OSBPL10: variants seen among roughly 807,000 people sequenced by gnomAD.
OSBPL10 encodes oxysterol binding protein like 10.
In OSBPL10, 49 loss-of-function variants were observed where a neutral mutation model predicts 81.7. The ratio of observed to expected loss-of-function variants is 0.60; its 90% confidence interval spans 0.48 to 0.76. The LOEUF is 0.76. Ranked by LOEUF, OSBPL10 falls within the 30% of genes least tolerant of loss-of-function variation. The pLI, the probability that OSBPL10 is intolerant of heterozygous loss-of-function variation, is 0.00. For missense variants in OSBPL10, 923 were observed against 987.8 expected (o/e 0.93, Z 0.88); for synonymous variants, 419 against 383.6 (o/e 1.09, Z -1.08).
At chr3:31,918,135 TCATTC>T (rs769215106) in intron 1 of OSBPL10, among the ~76,000 whole-genome samples, 3 of 152,180 alleles carry the variant, frequency 2.0e-5, no homozygotes, top group Non-Finnish European at 4.4e-5. Flanking sequence ...ACTATAAATA[TCATTC>T]CAAACAAAAG....
chr3:31,910,153 GTAT>G (rs1363478399), intron 1 of OSBPL10, among the ~76,000 whole-genome samples: 2 of 151,826 alleles, frequency 1.3e-5, no homozygotes, highest in African/African-American at 4.8e-5. Context: ...AACTAATTTT[GTAT>G]TTTTAGTAGA....
intron 8 of OSBPL10, among the ~76,000 whole-genome samples, chr3:31,672,880 G>GT (rs773126449): frequency 6.6e-6 from 1 of 152,132 alleles, no homozygotes; most frequent in Non-Finnish European, 1.5e-5. Context: ...TGGAGGGCAG[G>GT]TATCACAGCT....
At chr3:31,750,207 C>T (rs936000734) in intron 4 of OSBPL10, among the ~76,000 whole-genome samples, 1 of 151,996 alleles carries the variant, frequency 6.6e-6, no homozygotes, top group African/African-American at 2.4e-5. Flanking sequence ...AAAAATTGCA[C>T]CTCCAGCCCA....
At chr3:32,034,544 C>T (rs937650214) in intron 2 of OSBPL10, among the ~76,000 whole-genome samples, 5 of 151,726 alleles carry the variant, frequency 3.3e-5, no homozygotes, top group Non-Finnish European at 5.9e-5. Context: ...TCCAATCAAT[C>T]ACAGGCTCCA....
chr3:31,726,235 A>T (rs1263022948), intron 6 of OSBPL10, among the ~76,000 whole-genome samples: 1 of 152,108 alleles, frequency 6.6e-6, no homozygotes, highest in Admixed American at 6.5e-5. Flanking sequence ...TAGGTATGTG[A>T]TCTAGTTCTG....
rs116205537 is a variant in OSBPL10, at chr3:31,848,533, C to T, written c.538-18302G>A. On this transcript the variant is annotated intron_variant, in intron 3 of 11. Transcript: ENST00000396556. The stretch of plus-strand genomic sequence containing the variant: ...CTCAAATGCCCTATTGCATTTAAAA[C>T]GAAAAGTAACCAGGTTAAAGAATAA... 4.3e-3 allele frequency among the ~76,000 whole-genome samples: 653 copies of T among 152,070 alleles called. 5 individuals are homozygous for T. The highest frequency in any genetic ancestry group is 0.015 in the African/African-American group (604 of 41,466).
chr3:31,670,080 T>C (rs1440528349), intron 9 of OSBPL10, among the ~76,000 whole-genome samples: 3 of 152,234 alleles, frequency 2.0e-5, no homozygotes, highest in Non-Finnish European at 4.4e-5. Flanking sequence ...GAACGTGAAG[T>C]ACACACAAAT....
At chr3:31,876,178 T>C (rs952366293) in intron 3 of OSBPL10, among the ~76,000 whole-genome samples, 1 of 152,226 alleles carries the variant, frequency 6.6e-6, no homozygotes, top group East Asian at 1.9e-4. Flanking sequence ...CTGCCTAAAT[T>C]GACAACAGAA....
intron 4 of OSBPL10, among the ~76,000 whole-genome samples, chr3:31,799,579 A>C (rs575866274): frequency 1.3e-5 from 2 of 152,254 alleles, no homozygotes; most frequent in African/African-American, 4.8e-5. Context: ...GTGTTGGTGA[A>C]GATGAATTAG....
chr3:31,964,089 T>C (rs1387816982), intron 1 of OSBPL10, among the ~76,000 whole-genome samples: 1 of 152,172 alleles, frequency 6.6e-6, no homozygotes, highest in Non-Finnish European at 1.5e-5. Context: ...GAACCTGGGT[T>C]GTCTAATGAT....
chr3:31,866,363 T>C (rs1701181162), intron 3 of OSBPL10, among the ~76,000 whole-genome samples: 1 of 152,138 alleles, frequency 6.6e-6, no homozygotes, highest in South Asian at 2.1e-4. Flanking sequence ...TCAGTTGGTC[T>C]CTCAACCTAT....
At chr3:31,930,178 T>C (rs1426972527) in intron 1 of OSBPL10, among the ~76,000 whole-genome samples, 1 of 151,778 alleles carries the variant, frequency 6.6e-6, no homozygotes, top group Non-Finnish European at 1.5e-5. Context: ...TTTTTTTTAA[T>C]TAAAAAACAG....
intron 5 of OSBPL10, among the ~76,000 whole-genome samples, chr3:31,739,869 G>A (rs1339278654): frequency 1.3e-5 from 2 of 152,112 alleles, no homozygotes; most frequent in Non-Finnish European, 2.9e-5. Flanking sequence ...AATTGTTTTT[G>A]CATTAATTTT....
chr3:31,671,045 G>A (rs1700311942), intron 8 of OSBPL10, 62 bp from the exon 9 acceptor site: 1 of 1,438,296 alleles, frequency 7.0e-7, no homozygotes, highest in Non-Finnish European at 9.3e-7. Flanking sequence ...CTGGGGATCA[G>A]AAGAAATGAA....
chr3:31,905,701 A>G (rs1696390253), intron 1 of OSBPL10, among the ~76,000 whole-genome samples: 1 of 152,064 alleles, frequency 6.6e-6, no homozygotes, highest in Admixed American at 6.6e-5. Context: ...CTAGTGAGAG[A>G]GGAGGACAAA....
At chr3:31,891,660 A>G (rs1004609351) in intron 1 of OSBPL10, among the ~76,000 whole-genome samples, 1 of 152,176 alleles carries the variant, frequency 6.6e-6, no homozygotes, top group Non-Finnish European at 1.5e-5. Flanking sequence ...ACAGAACTTG[A>G]GAGCTTGTGT....
At chr3:31,903,396 C>T (rs1696311997) in intron 1 of OSBPL10, among the ~76,000 whole-genome samples, 2 of 150,290 alleles carry the variant, frequency 1.3e-5, no homozygotes, top group African/African-American at 4.9e-5. Flanking sequence ...GGCACAACAC[C>T]AAGGCTTGTG....
rs933076877 is a variant in OSBPL10, at chr3:31,800,468, G to A, written c.729+29572C>T. 5.3e-5 allele frequency among the ~76,000 whole-genome samples: 8 copies of A among 152,186 alleles called. 1 individual carries two copies. The highest frequency in any genetic ancestry group is 3.3e-4 in the Admixed American group (5 of 15,286). On this transcript the variant is annotated intron_variant, in intron 4 of 11. Transcript: ENST00000396556. ...TGATGGGCCATCAAACATGGCAGGC[G>A]TTCCCACCCCTCCTGGGCATGCTAA... is the stretch of plus-strand genomic sequence containing the variant.
intron 3 of OSBPL10, among the ~76,000 whole-genome samples, chr3:31,850,794 G>A (rs778156051): frequency 1.1e-4 from 16 of 152,092 alleles, no homozygotes; most frequent in Non-Finnish European, 2.1e-4. Context: ...TTGCAATGTC[G>A]CTATAAAACA....
Sources: allele counts gnomAD v4.1 joint callset (sites outside exome capture counted in the v4.1 genomes callset), GRCh38; gene constraint gnomAD v4.1.1; transcripts MANE v1.5; gene names NCBI Gene and HGNC (gene_info 2026-07-23, HGNC 2026-07-21).